RBMS3: variants seen among roughly 807,000 people sequenced by gnomAD.
The protein encoded by RBMS3 is RNA binding motif single stranded interacting protein 3.
In RBMS3, 27 loss-of-function variants were observed where a neutral mutation model predicts 66.8. The observed-to-expected ratio is 0.40, with a 90% CI of 0.30 to 0.56. The LOEUF is 0.56. Among genes scored for constraint, RBMS3 ranks in the 20% least tolerant of loss-of-function variants. The pLI, the probability that RBMS3 is intolerant of heterozygous loss-of-function variation, is 0.40. For missense variants in RBMS3, 513 were observed against 549.5 expected, an observed-to-expected ratio of 0.93 and a Z score of 0.66; for synonymous variants, 188 against 183.0, an observed-to-expected ratio of 1.03 and a Z score of -0.22.
At chr3:29,997,082 G>A (rs1020278752) in intron 14 of RBMS3, among the ~76,000 whole-genome samples, 5 of 150,924 alleles carry the variant, frequency 3.3e-5, no homozygotes, top group African/African-American at 4.9e-5. Context: ...ATGATAAAGG[G>A]GATATCACCA....
chr3:29,585,686 A>G (rs2047493324), intron 3 of RBMS3, among the ~76,000 whole-genome samples: 1 of 151,988 alleles, frequency 6.6e-6, no homozygotes, highest in African/African-American at 2.4e-5. Flanking sequence ...TTTCTTGACT[A>G]TTACTTCCAC....
At chr3:29,626,288 G>T (rs1408560761) in intron 4 of RBMS3, among the ~76,000 whole-genome samples, 4 of 152,234 alleles carry the variant, frequency 2.6e-5, no homozygotes, top group Non-Finnish European at 4.4e-5. Context: ...TTAAAACTTA[G>T]TTTGTGATTC....
intron 1 of RBMS3, among the ~76,000 whole-genome samples, chr3:29,385,733 C>T (rs1575675387): frequency 6.6e-6 from 1 of 152,100 alleles, no homozygotes; most frequent in African/African-American, 2.4e-5. Flanking sequence ...TGATTTTATT[C>T]ATATTTTGCC....
At chr3:29,511,257 C>T (rs1312686470) in intron 3 of RBMS3, among the ~76,000 whole-genome samples, 1 of 152,200 alleles carries the variant, frequency 6.6e-6, no homozygotes, top group Admixed American at 6.5e-5. Context: ...GATCGCACCA[C>T]TGCACTCCAG....
intron 14 of RBMS3, among the ~76,000 whole-genome samples, chr3:29,999,954 C>A (rs984186837): frequency 6.7e-6 from 1 of 150,232 alleles, no homozygotes; most frequent in Admixed American, 6.6e-5. Flanking sequence ...CCATAAAAAC[C>A]CTAGAAGAAA....
At chr3:29,547,668 T>A (rs934974581) in intron 3 of RBMS3, among the ~76,000 whole-genome samples, 1 of 151,970 alleles carries the variant, frequency 6.6e-6, no homozygotes, top group Non-Finnish European at 1.5e-5. Context: ...CAAATGAAAA[T>A]TTTTAAAAAT....
chr3:29,996,172 G>A, intron 14 of RBMS3, among the ~76,000 whole-genome samples: 1 of 149,112 alleles, frequency 6.7e-6, no homozygotes, highest in South Asian at 2.1e-4. Context: ...AGACAAAGAA[G>A]GCCATTACAT....
intron 1 of RBMS3, among the ~76,000 whole-genome samples, chr3:29,424,571 G>A (rs1190789566): frequency 1.3e-5 from 2 of 152,110 alleles, no homozygotes; most frequent in African/African-American, 4.8e-5. Flanking sequence ...AGATTGGATT[G>A]TATATGCTAT....
Position 29,873,053 on chromosome 3 carries a change from C to T in RBMS3, c.744+4089C>T, listed in dbSNP as rs139632375. Among the ~76,000 whole-genome samples the T allele has an allele frequency of 3.2e-3, 486 of 152,212 alleles. 2 individuals carry two copies. Among genetic ancestry groups the T allele is most frequent in the African/African-American group, 0.011 (459 of 41,516 alleles). ...GATGCCTCCAACTTTGTTCTTTCTGCTTAGGATTGCCTTGGCTATTCAGGC... is the reference window on the plus strand; with the variant it reads ...GATGCCTCCAACTTTGTTCTTTCTGTTTAGGATTGCCTTGGCTATTCAGGC... On this transcript the variant is annotated intron_variant, in intron 7 of 14. Coordinates refer to ENST00000383767, the MANE Select transcript of RBMS3 (RefSeq NM_001003793.3).
intron 1 of RBMS3, among the ~76,000 whole-genome samples, chr3:29,312,182 AACACGTCTAG>A (rs2034419861): frequency 6.6e-6 from 1 of 151,818 alleles, no homozygotes; most frequent in African/African-American, 2.4e-5. Flanking sequence ...TGTGGAGAAT[AACACGTCTAG>A]TGTTAATCTA....
chr3:29,370,453 T>A (rs2038141771), intron 1 of RBMS3, among the ~76,000 whole-genome samples: 1 of 152,218 alleles, frequency 6.6e-6, no homozygotes, highest in African/African-American at 2.4e-5. Context: ...ATATTTTAGT[T>A]CTTTTTAGAC....
chr3:29,743,697 T>C (rs2054739157), intron 5 of RBMS3, among the ~76,000 whole-genome samples: 1 of 152,098 alleles, frequency 6.6e-6, no homozygotes, highest in African/African-American at 2.4e-5. Flanking sequence ...TCTGATCCAG[T>C]TGGCTTGGGG....
intron 12 of RBMS3, 136 bp downstream of exon 12, chr3:29,944,390 G>A: frequency 1.5e-6 from 1 of 655,222 alleles, no homozygotes; most frequent in Non-Finnish European, 2.7e-6. Flanking sequence ...TTTGCAAGGG[G>A]GCATGTGTAG....
At chr3:29,638,922 T>G (rs1350387211) in intron 4 of RBMS3, among the ~76,000 whole-genome samples, 1 of 151,916 alleles carries the variant, frequency 6.6e-6, no homozygotes, top group Admixed American at 6.6e-5. Context: ...ACTACATTTT[T>G]TATTTGAAAT....
chr3:29,464,089 C>T (rs2042460664), intron 2 of RBMS3, among the ~76,000 whole-genome samples: 2 of 152,134 alleles, frequency 1.3e-5, no homozygotes, highest in Admixed American at 1.3e-4. Context: ...TCTCGGGCAC[C>T]TGCAACCCTT....
At chr3:29,730,344 G>A (rs185204307) in intron 4 of RBMS3, among the ~76,000 whole-genome samples, 2 of 151,350 alleles carry the variant, frequency 1.3e-5, no homozygotes, top group Non-Finnish European at 1.5e-5. Context: ...CAATGAGAAT[G>A]GTTGTCTTTG....
chr3:29,807,913 A>AT (rs756279019), intron 6 of RBMS3, among the ~76,000 whole-genome samples: 6 of 151,630 alleles, frequency 4.0e-5, no homozygotes, highest in Non-Finnish European at 8.9e-5. Flanking sequence ...TGAAATTTCA[A>AT]TTTTTTCCCT....
intron 6 of RBMS3, among the ~76,000 whole-genome samples, chr3:29,829,833 T>C (rs974796597): frequency 1.4e-5 from 2 of 147,560 alleles, no homozygotes; most frequent in Non-Finnish European, 3.1e-5. Context: ...GGAGAATGCC[T>C]CTGCTAAGAG....
chr3:29,694,421 A>G (rs1315331317), intron 4 of RBMS3, among the ~76,000 whole-genome samples: 2 of 152,198 alleles, frequency 1.3e-5, no homozygotes, highest in East Asian at 1.9e-4. Context: ...ATTGTTCGTC[A>G]TAAGAGGAAA....
Sources: allele counts gnomAD v4.1 joint callset (sites outside exome capture counted in the v4.1 genomes callset), GRCh38; gene constraint gnomAD v4.1.1; transcripts MANE v1.5; gene names NCBI Gene and HGNC (gene_info 2026-07-23, HGNC 2026-07-21).